Variants in SLC49A4 observed in about 807,000 individuals in gnomAD.
SLC49A4 encodes disrupted in renal cancer protein 2.
In SLC49A4, 36 loss-of-function variants were observed where a neutral mutation model predicts 50.6. That is an observed-to-expected ratio of 0.71 (90% CI 0.55 to 0.94). The LOEUF (loss-of-function observed/expected upper bound fraction) is 0.94. Among genes scored for constraint, SLC49A4 ranks in the 40% least tolerant of loss-of-function variants. The probability of loss-of-function intolerance (pLI) is 0.00; values close to 1 mark genes in which losing one functional copy is unlikely to be tolerated. For synonymous variants in SLC49A4, 248 were observed against 241.2 expected (o/e 1.03, Z -0.26); for missense variants, 503 against 605.7 (o/e 0.83, Z 1.78).
intron 7 of SLC49A4, among the ~76,000 whole-genome samples, chr3:122,862,247 G>C (rs1241085001): frequency 6.6e-6 from 1 of 152,102 alleles, no homozygotes; most frequent in Non-Finnish European, 1.5e-5. Context: ...CCAAAGATGT[G>C]ATTAATGGGA....
intron 7 of SLC49A4, among the ~76,000 whole-genome samples, chr3:122,871,209 C>G (rs964927331): frequency 1.3e-5 from 2 of 152,000 alleles, no homozygotes; most frequent in Non-Finnish European, 2.9e-5. Context: ...AAGTAATTAC[C>G]AACTATTTGT....
chr3:122,832,086 A>AT (rs1282110746), intron 3 of SLC49A4, among the ~76,000 whole-genome samples: 1 of 152,174 alleles, frequency 6.6e-6, no homozygotes, highest in Non-Finnish European at 1.5e-5. Context: ...TCTTATAGGA[A>AT]TGTTGTCCTT....
chr3:122,837,136 C>T (rs1936698518), intron 4 of SLC49A4, among the ~76,000 whole-genome samples: 1 of 152,100 alleles, frequency 6.6e-6, no homozygotes, highest in South Asian at 2.1e-4. Context: ...GCCATGCTGC[C>T]CAAGGTAATT....
chr3:122,853,846 C>A (rs1936954125), intron 5 of SLC49A4, among the ~76,000 whole-genome samples: 1 of 152,132 alleles, frequency 6.6e-6, no homozygotes, highest in East Asian at 1.9e-4. Flanking sequence ...TTTCTTGGTA[C>A]AAACTCTGAG....
intron 7 of SLC49A4, among the ~76,000 whole-genome samples, chr3:122,865,603 A>G (rs1428767379): frequency 6.6e-6 from 1 of 152,212 alleles, no homozygotes; most frequent in African/African-American, 2.4e-5. Context: ...AAAACTATAT[A>G]GTTAGCAAAC....
In SLC49A4 at chr3:122,795,459, C is replaced by T. The variant is rs1157427696; in HGVS notation, c.267C>T (p.Asp89=). The T allele has an allele frequency of 1.2e-6, 2 of 1,607,130 alleles. No homozygotes were observed. Among genetic ancestry groups the T allele is most frequent in the Non-Finnish European group, 1.7e-6 (2 of 1,179,126 alleles). The part of the protein sequence containing the change: ...ARQAYGFSSW[D]IALLVLWGPI... ...AGGCCTACGGCTTCTCCAGCTGGGA[C>T]ATCGCGCTGCTCGTGCTGTGGGGGC... Residue 89 remains aspartate (D), a synonymous_variant, in exon 1 of 9, where the codon GAC becomes GAT. Transcript: ENST00000261038.
chr3:122,814,845 G>C (rs1936342961), intron 2 of SLC49A4, among the ~76,000 whole-genome samples: 1 of 151,524 alleles, frequency 6.6e-6, no homozygotes, highest in African/African-American at 2.4e-5. Flanking sequence ...TGTATTTTAT[G>C]TGTGGCCCAA....
At chr3:122,796,054 C>G (rs1264104196) in intron 1 of SLC49A4, among the ~76,000 whole-genome samples, 3 of 152,178 alleles carry the variant, frequency 2.0e-5, no homozygotes, top group Non-Finnish European at 4.4e-5. Context: ...TGGTGCTCGG[C>G]AGCTTTAAAA....
chr3:122,816,947 G>C (rs1369437190), intron 2 of SLC49A4, among the ~76,000 whole-genome samples: 2 of 152,030 alleles, frequency 1.3e-5, no homozygotes, highest in Non-Finnish European at 2.9e-5. Context: ...AAAAACTTAA[G>C]GTCTTCTGTA....
chr3:122,872,660 T>C, intron 8 of SLC49A4, 63 bp downstream of exon 8: 5 of 1,210,918 alleles, frequency 4.1e-6, no homozygotes. Context: ...GGGTCACTAG[T>C]GTATAGAAGT....
intron 2 of SLC49A4, among the ~76,000 whole-genome samples, chr3:122,816,023 T>G (rs1936362678): frequency 6.6e-6 from 1 of 152,196 alleles, no homozygotes; most frequent in African/African-American, 2.4e-5. Flanking sequence ...TCCTTCTGCT[T>G]ATGGTTCTTA....
In SLC49A4 at chr3:122,879,435, C is replaced by T. The variant is rs996724929; in HGVS notation, c.*57C>T. 8.5e-6 allele frequency: 11 copies of T among 1,298,388 alleles called. No homozygotes were observed. Among genetic ancestry groups the T allele is most frequent in the African/African-American group, 3.0e-5 (2 of 67,436 alleles). The allele number at this position is 1,298,388 out of a possible 1,614,324, so 80.4% of individuals were successfully genotyped here. A position where few individuals can be genotyped will look rare whatever the true frequency, so the allele number is the denominator to read the frequency against. ...CTGGAAATCAATACTGCACACTGCA[C>T]ATTTGCTCAGAATTGCACATCTAAC... On this transcript the variant is annotated 3_prime_UTR_variant, in exon 9 of 9. Coordinates refer to ENST00000261038, the MANE Select transcript of SLC49A4 (RefSeq NM_032839.3).
intron 7 of SLC49A4, among the ~76,000 whole-genome samples, chr3:122,871,745 T>C (rs975366252): frequency 6.6e-6 from 1 of 152,284 alleles, no homozygotes; most frequent in East Asian, 1.9e-4. Flanking sequence ...GACTTTCTTA[T>C]AAGAATAATA....
chr3:122,834,901 C>G (rs1936657774), intron 4 of SLC49A4, among the ~76,000 whole-genome samples: 1 of 152,176 alleles, frequency 6.6e-6, no homozygotes, highest in Middle Eastern at 3.4e-3. Context: ...TACAAAAGAT[C>G]ATTCAAGACT....
Position 122,826,784 on chromosome 3 carries a change from A to G in SLC49A4, c.438-16A>G. 2.5e-6 allele frequency: 4 copies of G among 1,608,478 alleles called. No individual in the cohort carries two copies. Among genetic ancestry groups the G allele is most frequent in the Non-Finnish European group, 3.4e-6 (4 of 1,175,470 alleles). On this transcript the variant is annotated splice_polypyrimidine_tract_variant and intron_variant, in intron 2 of 8. Transcript: ENST00000261038. ...TGTTTCAAATACCTCACAGCCTTTT[A>G]ATTTTTAAATTCCAGATTAATTCAT...
At chr3:122,825,492 G>A (rs905794956) in intron 2 of SLC49A4, among the ~76,000 whole-genome samples, 10 of 151,550 alleles carry the variant, frequency 6.6e-5, no homozygotes, top group East Asian at 1.9e-4. Flanking sequence ...CCAACATAAC[G>A]AAGCTATGGG....
At chr3:122,843,654 A>G (rs1936806824) in intron 4 of SLC49A4, among the ~76,000 whole-genome samples, 1 of 152,130 alleles carries the variant, frequency 6.6e-6, no homozygotes, top group African/African-American at 2.4e-5. Flanking sequence ...TGTTTCTTAT[A>G]ATTTAATTGT....
chr3:122,873,422 C>T (rs1937220395), intron 8 of SLC49A4, among the ~76,000 whole-genome samples: 1 of 152,076 alleles, frequency 6.6e-6, no homozygotes, highest in Admixed American at 6.6e-5. Flanking sequence ...TCAAGTAATC[C>T]ACCCACCTCA....
intron 5 of SLC49A4, 68 bp downstream of exon 5, chr3:122,845,939 T>C: frequency 3.4e-6 from 4 of 1,183,678 alleles, no homozygotes; most frequent in Non-Finnish European, 4.7e-6. Context: ...ACTGGTTACG[T>C]GTTCTTGGTT....
Sources: allele counts gnomAD v4.1 joint callset (sites outside exome capture counted in the v4.1 genomes callset), GRCh38; gene constraint gnomAD v4.1.1; transcripts MANE v1.5; gene names NCBI Gene and HGNC (gene_info 2026-07-23, HGNC 2026-07-21).